THEM4: variants seen among roughly 807,000 people sequenced by gnomAD.
THEM4 encodes acyl-coenzyme A thioesterase THEM4.
A neutral mutation model predicts 25.0 loss-of-function variants in THEM4; 22 were observed. That is an observed-to-expected ratio of 0.88 (90% CI 0.63 to 1.26). The LOEUF (loss-of-function observed/expected upper bound fraction) is 1.26. THEM4 is among the 50% of genes most tolerant of loss of function. The pLI is 0.00. For synonymous variants in THEM4, 113 were observed against 105.6 expected, an observed-to-expected ratio of 1.07 and a Z score of -0.43; for missense variants, 286 against 300.3, an observed-to-expected ratio of 0.95 and a Z score of 0.35.
chr1:151,904,640 T>G (rs1407585530), intron 1 of THEM4, among the ~76,000 whole-genome samples: 1 of 152,152 alleles, frequency 6.6e-6, no homozygotes, highest in African/African-American at 2.4e-5. Flanking sequence ...AAAAGACTGT[T>G]GCAAAGGCCC....
intron 3 of THEM4, 27 bp downstream of exon 3, chr1:151,889,187 T>G (rs1326319715): frequency 1.2e-6 from 2 of 1,607,248 alleles, no homozygotes; most frequent in Non-Finnish European, 1.7e-6. Context: ...ATCTTTTAGA[T>G]CCACACTTTC....
At position 151,873,174 on chromosome 1, in the gene THEM4, G is replaced by A. The variant is rs2338201; in HGVS notation, c.*1714C>T. ...GGAGAGAAGCATAAATCTGGCCTAC[G>A]TACACATCTGGGCATAGTACCTTCC... On this transcript the variant is annotated 3_prime_UTR_variant, in exon 6 of 6. Coordinates refer to ENST00000368814, the MANE Select transcript of THEM4 (RefSeq NM_053055.5). Among the ~76,000 whole-genome samples the A allele has an allele frequency of 4.6e-5, 7 of 151,912 alleles. No individual in the cohort carries two copies. Among genetic ancestry groups the A allele is most frequent in the South Asian group, 4.1e-4 (2 of 4,832 alleles).
chr1:151,909,064 C>T (rs1654538109), intron 1 of THEM4, among the ~76,000 whole-genome samples: 1 of 152,174 alleles, frequency 6.6e-6, no homozygotes, highest in South Asian at 2.1e-4. Context: ...TGGTAAAATA[C>T]AGATGTTGTC....
intron 1 of THEM4, among the ~76,000 whole-genome samples, chr1:151,899,274 C>T (rs1033492112): frequency 6.6e-6 from 1 of 152,118 alleles, no homozygotes; most frequent in Non-Finnish European, 1.5e-5. Context: ...GGGCAGATCA[C>T]AAGGTCAAGA....
At chr1:151,906,246 G>A (rs951761123) in intron 1 of THEM4, among the ~76,000 whole-genome samples, 3 of 152,252 alleles carry the variant, frequency 2.0e-5, no homozygotes, top group Non-Finnish European at 2.9e-5. Context: ...AGCCGGCCCT[G>A]CCGGCCCCAC....
intron 2 of THEM4, among the ~76,000 whole-genome samples, chr1:151,893,928 C>T (rs1654154222): frequency 1.3e-5 from 2 of 151,780 alleles, no homozygotes; most frequent in Admixed American, 1.3e-4. Flanking sequence ...GGCGCGATCT[C>T]AGCTCACTGC....
intron 1 of THEM4, among the ~76,000 whole-genome samples, chr1:151,899,345 G>C (rs551746644): frequency 1.3e-4 from 20 of 152,090 alleles, no homozygotes; most frequent in Non-Finnish European, 2.6e-4. Flanking sequence ...ACAAAAATTA[G>C]CTGGGCATGG....
chr1:151,874,952 A>T, intron 5 of THEM4, 24 bp from the exon 6 acceptor site: 1 of 1,587,932 alleles, frequency 6.3e-7, no homozygotes, highest in South Asian at 1.1e-5. Flanking sequence ...ATAACAGCAG[A>T]TGATTATATG....
intron 4 of THEM4, among the ~76,000 whole-genome samples, chr1:151,887,347 T>C (rs1456148169): frequency 2.6e-5 from 4 of 152,024 alleles, no homozygotes; most frequent in South Asian, 2.1e-4. Context: ...TGAGAATAGC[T>C]TGAACCTGGG....
chr1:151,892,232 TG>T lies in THEM4; in HGVS notation c.286+2775del, dbSNP rs1654110121. On this transcript the variant is annotated intron_variant, in intron 2 of 5. Transcript: ENST00000368814. ...TGAGCAAAATGTAGGAATGGAACCC[TG>T]GAAAACATTGACATTTAAGGAGCAA... Among the ~76,000 whole-genome samples the T allele has an allele frequency of 2.0e-5, 3 of 152,078 alleles. No homozygotes were observed. The South Asian group carries it at 6.2e-4, about 32-fold the overall frequency.
chr1:151,899,828 A>G (rs12064020), intron 1 of THEM4, among the ~76,000 whole-genome samples: 4,749 of 152,270 alleles, frequency 0.031, 262 homozygotes, highest in African/African-American at 0.11. Context: ...TCATCACAAA[A>G]AGATCTGCAC....
rs772558234 is a variant in THEM4, at chr1:151,895,058, T to C, written c.236A>G (p.Tyr79Cys). 60 of 1,614,064 alleles carry C rather than the reference T, an allele frequency of 3.7e-5. No individual in the cohort carries two copies. The highest frequency in any genetic ancestry group is 4.8e-5 in the Non-Finnish European group (57 of 1,180,042). Residue 79 changes from tyrosine to cysteine, a missense_variant, in exon 2 of 6, where the codon TAT becomes TGT. Tyr to Cys is a radical substitution (Grantham distance 194, BLOSUM62 -2). Coordinates refer to ENST00000368814, the MANE Select transcript of THEM4 (RefSeq NM_053055.5). ...AATCCATTCAGTAGGTGTACGTTTA[T>C]ATGAAGGCAAACGTTTCCAGGAGCC... Reference protein sequence around the residue: ...EDGSWKRLPSYKRTPTEWIQD... With the variant: ...EDGSWKRLPSCKRTPTEWIQD...
chr1:151,890,500 A>G (rs41264560), intron 2 of THEM4: 4,232 of 167,396 alleles, frequency 0.025, 61 homozygotes, highest in African/African-American at 0.03. Flanking sequence ...ATTTCTATTG[A>G]ATTTATATTT....
chr1:151,885,060 T>C (rs1653935816), intron 4 of THEM4, among the ~76,000 whole-genome samples: 1 of 151,838 alleles, frequency 6.6e-6, no homozygotes, highest in African/African-American at 2.4e-5. Flanking sequence ...TTTATCATTG[T>C]TTTCTCTTTT....
At chr1:151,903,326 C>T (rs1171353884) in intron 1 of THEM4, among the ~76,000 whole-genome samples, 1 of 152,056 alleles carries the variant, frequency 6.6e-6, no homozygotes, top group Non-Finnish European at 1.5e-5. Flanking sequence ...AAAACAAAAA[C>T]AAACAAAATT....
At chr1:151,899,761 G>A (rs1468567313) in intron 1 of THEM4, among the ~76,000 whole-genome samples, 3 of 152,274 alleles carry the variant, frequency 2.0e-5, no homozygotes, top group East Asian at 3.9e-4. Context: ...AACTTCCCTG[G>A]TCTTGCTAGA....
At chr1:151,890,731 G>A (rs1654077162) in intron 2 of THEM4, 1 of 152,344 alleles carries the variant, frequency 6.6e-6, no homozygotes, top group African/African-American at 2.4e-5. Context: ...CCTTAAAATT[G>A]GGGATCAGTA....
intron 2 of THEM4, among the ~76,000 whole-genome samples, chr1:151,893,509 G>C (rs1483740824): frequency 6.6e-6 from 1 of 152,082 alleles, no homozygotes; most frequent in African/African-American, 2.4e-5. Context: ...TAGCAGAGAT[G>C]GATGTCCTTC....
At chr1:151,900,348 A>T (rs1215573470) in intron 1 of THEM4, among the ~76,000 whole-genome samples, 2 of 152,240 alleles carry the variant, frequency 1.3e-5, no homozygotes, top group African/African-American at 4.8e-5. Flanking sequence ...ATAACATTGA[A>T]TGTAAATGGC....
Sources: gnomAD v4.1 joint callset for allele counts (sites outside exome capture counted in the v4.1 genomes callset) on GRCh38, gnomAD v4.1.1 for gene constraint, MANE v1.5 for transcripts, NCBI Gene and HGNC (gene_info 2026-07-23, HGNC 2026-07-21) for gene names.